Variants in TMEM114 observed in about 807,000 individuals in gnomAD.
TMEM114 encodes the protein transmembrane protein 114.
Under a neutral mutation model 6.2 loss-of-function variants are expected in TMEM114, and 6 were observed. The observed-to-expected ratio is 0.97, with a 90% CI of 0.53 to 1.91. TMEM114 has a LOEUF of 1.91. Among genes scored for constraint, TMEM114 ranks in the 40% most tolerant of loss-of-function variants. The pLI is 0.01. For missense variants in TMEM114, 218 were observed against 158.3 expected, an observed-to-expected ratio of 1.38 and a Z score of -2.02; for synonymous variants, 104 against 73.0, an observed-to-expected ratio of 1.42 and a Z score of -2.16.
chr16:8,537,977 G>C (rs1284916606), intron 2 of TMEM114, among the ~76,000 whole-genome samples: 3 of 152,052 alleles, frequency 2.0e-5, no homozygotes, highest in African/African-American at 7.2e-5. Context: ...TGTCATGGCA[G>C]GGGTGGGTGG....
downstream of TMEM114, among the ~76,000 whole-genome samples, chr16:8,536,583 C>T (rs903191060): frequency 1.5e-4 from 23 of 152,192 alleles, no homozygotes; most frequent in Non-Finnish European, 2.8e-4. Context: ...AAAGTGGATT[C>T]AAAGATCCCT....
intron 2 of TMEM114, among the ~76,000 whole-genome samples, chr16:8,547,642 C>T (rs546749850): frequency 6.6e-6 from 1 of 152,226 alleles, no homozygotes; most frequent in Non-Finnish European, 1.5e-5. Flanking sequence ...CCACCCGCCT[C>T]GGCCTCCCAA....
At chr16:8,551,374 C>G (rs550776234) in intron 2 of TMEM114, among the ~76,000 whole-genome samples, 18 of 152,306 alleles carry the variant, frequency 1.2e-4, no homozygotes, top group African/African-American at 2.9e-4. Flanking sequence ...GGGACCCTGA[C>G]TGAGCAAGTG....
chr16:8,560,235 C>T (rs566985344), intron 2 of TMEM114, among the ~76,000 whole-genome samples: 3 of 151,762 alleles, frequency 2.0e-5, no homozygotes, highest in African/African-American at 4.8e-5. Context: ...TGGGCTCAAG[C>T]GATCCTCCTG....
chr16:8,556,822 T>A (rs780475828), intron 2 of TMEM114, among the ~76,000 whole-genome samples: 31 of 152,174 alleles, frequency 2.0e-4, no homozygotes, highest in Non-Finnish European at 4.0e-4. Context: ...TTTAAAATGA[T>A]TGAAATGTAA....
At chr16:8,542,151 G>GT (rs1900535951) in intron 2 of TMEM114, among the ~76,000 whole-genome samples, 1 of 151,626 alleles carries the variant, frequency 6.6e-6, no homozygotes, top group Admixed American at 6.6e-5. Context: ...GTGGGGGGGG[G>GT]TCCCTTGACC....
At chr16:8,533,676 G>A (rs948827204), downstream of TMEM114, among the ~76,000 whole-genome samples, 1 of 152,140 alleles carries the variant, frequency 6.6e-6, no homozygotes, top group African/African-American at 2.4e-5. Flanking sequence ...TTTCACTGAG[G>A]GTTCCACAGA....
At chr16:8,584,176 G>C (rs527253892) in intron 2 of TMEM114, among the ~76,000 whole-genome samples, 1 of 152,346 alleles carries the variant, frequency 6.6e-6, no homozygotes, top group Admixed American at 6.5e-5. Context: ...AAGAAATTGA[G>C]TTTAACAGTG....
intron 2 of TMEM114, among the ~76,000 whole-genome samples, chr16:8,563,153 ATGAGTGAG>A (rs200553548): frequency 7.0e-6 from 1 of 143,746 alleles, no homozygotes; most frequent in Admixed American, 6.9e-5. Context: ...GAGTGACTGA[ATGAGTGAG>A]TGAGTGAGTA....
intron 2 of TMEM114, among the ~76,000 whole-genome samples, chr16:8,556,568 C>T: frequency 6.6e-6 from 1 of 152,082 alleles, no homozygotes; most frequent in East Asian, 1.9e-4. Flanking sequence ...ATGGCGTGAT[C>T]TTGGCTCACT....
intron 2 of TMEM114, among the ~76,000 whole-genome samples, chr16:8,547,045 C>G (rs986796944): frequency 6.6e-6 from 1 of 152,164 alleles, no homozygotes; most frequent in South Asian, 2.1e-4. Flanking sequence ...GAATGTTTAT[C>G]CAGTCTGCAT....
rs1230218679 is a variant in TMEM114 at position 8,557,555 on chromosome 16, C to T, written n.213-19729G>A. Among the ~76,000 whole-genome samples the T allele has an allele frequency of 3.3e-5, 5 of 152,198 alleles. No homozygotes were observed. The East Asian group carries it at 9.6e-4, about 29-fold the overall frequency. On this transcript the variant is annotated intron_variant and non_coding_transcript_variant, in intron 2 of 2. Transcript: ENST00000623677. ...GACCACAAGCAATATACAAGGGTCACTAGTTTTGGCCACTACATCTTGGGT... is the reference window on the plus strand; with the variant it reads ...GACCACAAGCAATATACAAGGGTCATTAGTTTTGGCCACTACATCTTGGGT...
downstream of TMEM114, among the ~76,000 whole-genome samples, chr16:8,567,235 A>G (rs1220896712): frequency 6.6e-6 from 1 of 151,894 alleles, no homozygotes; most frequent in Admixed American, 6.6e-5. Flanking sequence ...TTTTCTTCAT[A>G]ACACTAATCA....
At chr16:8,572,355 T>C (rs923860802) in intron 2 of TMEM114, 131 bp from the exon 3 acceptor site, 1 of 925,332 alleles carries the variant, frequency 1.1e-6, no homozygotes, top group African/African-American at 1.6e-5. Context: ...CGACGATTAC[T>C]TCTACTGTTT....
At chr16:8,570,780 A>G (rs1314707835) in intron 3 of TMEM114, among the ~76,000 whole-genome samples, 1 of 152,168 alleles carries the variant, frequency 6.6e-6, no homozygotes. Flanking sequence ...CACATGGTCC[A>G]GTACGATAGC....
At chr16:8,569,397 C>G (rs1012190514), downstream of TMEM114, 27 of 1,031,768 alleles carry the variant, frequency 2.6e-5, no homozygotes, top group African/African-American at 4.4e-4. Context: ...AGGGCACCCT[C>G]TCCCTTTCCC....
At chr16:8,578,012 A>C (rs139484116) in intron 2 of TMEM114, among the ~76,000 whole-genome samples, 113 of 152,312 alleles carry the variant, frequency 7.4e-4, no homozygotes, top group African/African-American at 2.7e-3. Flanking sequence ...CACTGCCCTC[A>C]TGGAGTTCAC....
chr16:8,575,514 C>G lies in TMEM114; in HGVS notation c.302-3290G>C, dbSNP rs531335978. On this transcript the variant is annotated intron_variant, in intron 2 of 3. Coordinates refer to ENST00000620492, the MANE Select transcript of TMEM114 (RefSeq NM_001146336.2). The stretch of plus-strand genomic sequence containing the variant: ...GACCAGGCAGGATAAACCAGGACAA[C>G]TGGTCACCACACTTCTCCGTTTATT... 2.6e-5 allele frequency among the ~76,000 whole-genome samples: 4 copies of G among 152,224 alleles called. No homozygotes were observed. The South Asian group carries it at 6.2e-4, about 24-fold the overall frequency.
downstream of TMEM114, among the ~76,000 whole-genome samples, chr16:8,567,711 G>A (rs7195455): frequency 0.16 from 24,264 of 152,172 alleles, 2,244 homozygotes; most frequent in Non-Finnish European, 0.21. Flanking sequence ...CTCTGGCCCT[G>A]CAGTATTTAA....
Sources: gnomAD v4.1 joint callset for allele counts (sites outside exome capture counted in the v4.1 genomes callset) on GRCh38, gnomAD v4.1.1 for gene constraint, MANE v1.5 for transcripts, NCBI Gene and HGNC (gene_info 2026-07-23, HGNC 2026-07-21) for gene names.